Variants in HELZ observed in about 807,000 individuals in gnomAD.
The protein encoded by HELZ is ATP-dependent RNA helicase with zinc finger domain.
HELZ carries 23 observed loss-of-function variants against 218.2 expected under a neutral mutation model. The ratio of observed to expected loss-of-function variants is 0.11; its 90% CI spans 0.08 to 0.15. The LOEUF (loss-of-function observed/expected upper bound fraction) is 0.15. Ranked by LOEUF, HELZ falls within the 10% of genes least tolerant of loss-of-function variation. HELZ has a pLI of 1.00. For missense variants in HELZ, 1,813 were observed against 2,353.7 expected, an observed-to-expected ratio of 0.77 and a Z score of 4.75; for synonymous variants, 814 against 829.4, an observed-to-expected ratio of 0.98 and a Z score of 0.32.
rs894817773 is a variant in HELZ at position 67,167,816 on chromosome 17, C to T, written c.1431-20G>A. 6.6e-7 allele frequency: 1 copy of T among 1,503,804 alleles called. No individual in the cohort carries two copies. Among genetic ancestry groups the T allele is most frequent in the South Asian group, 1.2e-5 (1 of 82,758 alleles). 93.2% of individuals were successfully genotyped at this position (1,503,804 alleles called of 1,614,324 possible). A position where few individuals can be genotyped will look rare whatever the true frequency, so the allele number is the denominator to read the frequency against. On this transcript the variant is annotated intron_variant, in intron 13 of 32. Transcript: ENST00000358691. ...TTGAACCTAAACCAGAAGTAGAAAA[C>T]TAGTTTGAATATTTTACATCAAAAA...
At position 67,184,828 on chromosome 17, in the gene HELZ, T is replaced by C. The variant is rs534035031; in HGVS notation, c.1162+3491A>G. Among the ~76,000 whole-genome samples the C allele has an allele frequency of 5.3e-3, 802 of 151,608 alleles. 4 individuals are homozygous for C. Among genetic ancestry groups the C allele is most frequent in the Non-Finnish European group, 8.9e-3 (604 of 67,864 alleles). ...AAGACTCTGTCTCTAAACAAATAAA[T>C]AAATAAATAAATAAATAAATAGAGA... is the stretch of plus-strand genomic sequence containing the variant. On this transcript the variant is annotated intron_variant, in intron 12 of 32. Coordinates refer to ENST00000358691, the MANE Select transcript of HELZ (RefSeq NM_014877.4).
Position 67,109,132 on chromosome 17 carries a change from A to G in HELZ, c.4473T>C (p.Pro1491=), listed in dbSNP as rs1378351206. 1 of 1,611,670 alleles carries G rather than the reference A, an allele frequency of 6.2e-7. No individual in the cohort carries two copies. Among genetic ancestry groups the G allele is most frequent in the Non-Finnish European group, 8.5e-7 (1 of 1,178,980 alleles). The change falls in exon 29 of 33, where the codon CCT becomes CCC. Residue 1491 remains proline (P), a synonymous_variant. Transcript: ENST00000358691. ...AGAACTTACCTAAAGCCTCCCCTATAGGTAATCCCGAGGGGTTCTCATCAA... is the reference window on the plus strand; with the variant it reads ...AGAACTTACCTAAAGCCTCCCCTATGGGTAATCCCGAGGGGTTCTCATCAA... ...SFIDENPSGL[P]IGEALDRIHG...
intron 3 of HELZ, among the ~76,000 whole-genome samples, chr17:67,226,032 C>T (rs1291551689): frequency 6.6e-6 from 1 of 151,916 alleles, no homozygotes; most frequent in Admixed American, 6.6e-5. Flanking sequence ...GAGGCTGAGG[C>T]GAGTGAATCA....
At chr17:67,161,291 T>C (rs1000248076) in intron 15 of HELZ, among the ~76,000 whole-genome samples, 1 of 152,208 alleles carries the variant, frequency 6.6e-6, no homozygotes. Flanking sequence ...AATTTTATCT[T>C]GTCCTACACT....
At chr17:67,137,150 G>A (rs1411239313) in intron 22 of HELZ, among the ~76,000 whole-genome samples, 2 of 151,986 alleles carry the variant, frequency 1.3e-5, no homozygotes, top group Non-Finnish European at 2.9e-5. Context: ...TTTCTTACGT[G>A]CTTCAAATAG....
intron 4 of HELZ, among the ~76,000 whole-genome samples, chr17:67,218,201 G>A (rs1465122805): frequency 6.6e-6 from 1 of 151,730 alleles, no homozygotes; most frequent in Non-Finnish European, 1.5e-5. Flanking sequence ...CAAAGTGCTG[G>A]GATTACAGGT....
intron 2 of HELZ, among the ~76,000 whole-genome samples, chr17:67,241,486 C>T (rs1353949983): frequency 6.6e-6 from 1 of 152,166 alleles, no homozygotes; most frequent in Non-Finnish European, 1.5e-5. Flanking sequence ...TTGTAGGTCC[C>T]TCTGCACTAT....
At chr17:67,191,065 G>A (rs1420620940) in intron 9 of HELZ, among the ~76,000 whole-genome samples, 6 of 151,908 alleles carry the variant, frequency 3.9e-5, no homozygotes, top group Non-Finnish European at 8.8e-5. Flanking sequence ...TCACACACAG[G>A]TATACCCTAC....
chr17:67,214,358 C>A (rs2040540023), intron 5 of HELZ, among the ~76,000 whole-genome samples: 1 of 143,510 alleles, frequency 7.0e-6, no homozygotes, highest in African/African-American at 2.6e-5. Flanking sequence ...CTCTGCCTCT[C>A]AGGTTCAAAT....
upstream of HELZ, chr17:67,245,371 C>A: frequency 1.4e-6 from 1 of 733,262 alleles, no homozygotes; most frequent in Non-Finnish European, 1.7e-6. Flanking sequence ...GGGCTGACGG[C>A]ATTGAAAATT....
At chr17:67,098,397 CAA>C (rs763859385) in intron 31 of HELZ, among the ~76,000 whole-genome samples, 13 of 152,030 alleles carry the variant, frequency 8.6e-5, no homozygotes, top group Admixed American at 3.9e-4. Flanking sequence ...TTTGATAAAT[CAA>C]AGTCTTTTTC....
intron 17 of HELZ, 34 bp downstream of exon 17, chr17:67,160,227 G>T: frequency 8.3e-7 from 1 of 1,211,902 alleles, no homozygotes; most frequent in Non-Finnish European, 1.2e-6. Flanking sequence ...AATAAAGTAT[G>T]ATACAGATAC....
chr17:67,163,560 G>C, intron 15 of HELZ, among the ~76,000 whole-genome samples: 1 of 150,060 alleles, frequency 6.7e-6, no homozygotes, highest in Middle Eastern at 3.2e-3. Flanking sequence ...CACCACGCTC[G>C]GCTAATTTTT....
chr17:67,244,717 G>A (rs958133651), intron 1 of HELZ: 2 of 984,262 alleles, frequency 2.0e-6, no homozygotes, highest in East Asian at 1.1e-4. Flanking sequence ...CGAGGCCTGA[G>A]GGGGGGCATC....
intron 20 of HELZ, among the ~76,000 whole-genome samples, chr17:67,146,561 T>C (rs1302986373): frequency 6.6e-6 from 1 of 152,174 alleles, no homozygotes; most frequent in Non-Finnish European, 1.5e-5. Flanking sequence ...ATTGTACTAA[T>C]ACATGCAAAC....
intron 12 of HELZ, chr17:67,179,817 T>C (rs187108729): frequency 3.9e-5 from 6 of 152,316 alleles, no homozygotes; most frequent in African/African-American, 1.4e-4. Flanking sequence ...GAAAAACGGT[T>C]TCACAACTCA....
intron 12 of HELZ, among the ~76,000 whole-genome samples, chr17:67,187,966 T>G (rs147225483): frequency 6.6e-6 from 1 of 152,174 alleles, no homozygotes; most frequent in African/African-American, 2.4e-5. Context: ...TGTAGGTATA[T>G]ACACAATTAC....
At chr17:67,229,839 C>T (rs2143416495) in intron 3 of HELZ, among the ~76,000 whole-genome samples, 1 of 152,272 alleles carries the variant, frequency 6.6e-6, no homozygotes, top group Admixed American at 6.5e-5. Context: ...TTGCATTTTT[C>T]TCTAAAACAT....
At position 67,135,860 on chromosome 17, in the gene HELZ, C is replaced by T. The variant is rs574844027; in HGVS notation, c.3182+110G>A. 1.4e-4 allele frequency: 120 copies of T among 836,218 alleles called. 1 individual carries two copies. In the South Asian group the frequency reaches 1.8e-3, roughly 13 times the overall value. The allele number at this position is 836,218 out of a possible 1,614,324, so 51.8% of individuals were successfully genotyped here. A position where few individuals can be genotyped will look rare whatever the true frequency, so the allele number is the denominator to read the frequency against. ...TGTGTTCCCACTGGATATCAGGCTA[C>T]AATAAACCTGTTTTTAATTAGCCAG... On this transcript the variant is annotated intron_variant, in intron 23 of 32. Coordinates refer to ENST00000358691, the MANE Select transcript of HELZ (RefSeq NM_014877.4).
Sources: gnomAD v4.1 joint callset for allele counts (sites outside exome capture counted in the v4.1 genomes callset) on GRCh38, gnomAD v4.1.1 for gene constraint, MANE v1.5 for transcripts, NCBI Gene and HGNC (gene_info 2026-07-23, HGNC 2026-07-21) for gene names.